EGFLAM: variants seen among roughly 807,000 people sequenced by gnomAD.
EGFLAM encodes pikachurin.
A neutral mutation model predicts 113.1 loss-of-function variants in EGFLAM; 79 were observed. That is an observed-to-expected ratio of 0.70 (90% CI 0.58 to 0.84). The LOEUF (loss-of-function observed/expected upper bound fraction) is 0.84, where lower values mean the gene tolerates loss of function less well. Ranked by LOEUF, EGFLAM falls within the 40% of genes least tolerant of loss-of-function variation. The pLI is 0.00. For synonymous variants in EGFLAM, 504 were observed against 487.6 expected (o/e 1.03, Z -0.44); for missense variants, 1,265 against 1,291.6 (o/e 0.98, Z 0.32).
intron 6 of EGFLAM, among the ~76,000 whole-genome samples, chr5:38,384,759 G>C: frequency 6.6e-6 from 1 of 152,008 alleles, no homozygotes; most frequent in Non-Finnish European, 1.5e-5. Context: ...GCTCCCACAG[G>C]CTCTTTGCTT....
chr5:38,439,252 T>G (rs1239224371), intron 17 of EGFLAM, among the ~76,000 whole-genome samples: 1 of 152,190 alleles, frequency 6.6e-6, no homozygotes, highest in Non-Finnish European at 1.5e-5. Context: ...GAGACCCTGC[T>G]GGACTTGCTT....
chr5:38,295,672 C>T (rs1472750034), intron 1 of EGFLAM, among the ~76,000 whole-genome samples: 2 of 152,084 alleles, frequency 1.3e-5, no homozygotes, highest in African/African-American at 4.8e-5. Context: ...TTCCCCTATC[C>T]TCAAAATGTA....
At chr5:38,293,262 A>G (rs555600201) in intron 1 of EGFLAM, among the ~76,000 whole-genome samples, 1 of 152,344 alleles carries the variant, frequency 6.6e-6, no homozygotes, top group South Asian at 2.1e-4. Context: ...TCCAGTTCCT[A>G]TGCCAGTCTC....
chr5:38,457,725 C>T (rs1338902375), intron 19 of EGFLAM, among the ~76,000 whole-genome samples: 1 of 152,170 alleles, frequency 6.6e-6, no homozygotes, highest in Non-Finnish European at 1.5e-5. Flanking sequence ...TAGTATAAAA[C>T]ATTACACATG....
chr5:38,286,691 A>G (rs894893773), intron 1 of EGFLAM, among the ~76,000 whole-genome samples: 13 of 152,310 alleles, frequency 8.5e-5, no homozygotes, highest in Non-Finnish European at 1.9e-4. Context: ...CCTTTTGTAG[A>G]TATATTGCCA....
At chr5:38,422,985 T>C (rs1165594182) in intron 12 of EGFLAM, among the ~76,000 whole-genome samples, 1 of 152,122 alleles carries the variant, frequency 6.6e-6, no homozygotes, top group Non-Finnish European at 1.5e-5. Context: ...CCCACACTGG[T>C]TTGGAAACTC....
intron 6 of EGFLAM, among the ~76,000 whole-genome samples, chr5:38,371,961 GC>G (rs1740234734): frequency 6.6e-6 from 1 of 152,112 alleles, no homozygotes; most frequent in South Asian, 2.1e-4. Context: ...TGGAACTCCT[GC>G]TCCCATTTCG....
intron 6 of EGFLAM, among the ~76,000 whole-genome samples, chr5:38,396,724 A>T (rs955053291): frequency 2.0e-5 from 3 of 152,220 alleles, no homozygotes; most frequent in Admixed American, 6.5e-5. Flanking sequence ...TTATTCTCTA[A>T]ACTTACAGAG....
intron 1 of EGFLAM, among the ~76,000 whole-genome samples, chr5:38,336,531 G>A (rs1198476319): frequency 4.6e-5 from 7 of 151,622 alleles, no homozygotes; most frequent in East Asian, 1.9e-4. Context: ...CCGAGATGGC[G>A]CCTCTGTACT....
At position 38,408,942 on chromosome 5, in the gene EGFLAM, G is replaced by A. The variant is rs145257987; in HGVS notation, c.1249-62G>A. The stretch of plus-strand genomic sequence containing the variant: ...AAGTTTCACATTTGTGTCTTTCCAG[G>A]TGGTGCCTTAAGGAAGGGGAGGTGC... On this transcript the variant is annotated intron_variant, in intron 9 of 21. Coordinates refer to ENST00000322350, the MANE Select transcript of EGFLAM (RefSeq NM_152403.4). 211 of 1,350,528 alleles carry A rather than the reference G, an allele frequency of 1.6e-4. No homozygotes were observed. In the African/African-American group the frequency reaches 2.9e-3, roughly 19 times the overall value. 83.7% of individuals were successfully genotyped at this position (1,350,528 alleles called of 1,614,324 possible).
At chr5:38,459,140 A>G (rs1227485332) in intron 20 of EGFLAM, among the ~76,000 whole-genome samples, 12 of 151,942 alleles carry the variant, frequency 7.9e-5, no homozygotes, top group Admixed American at 7.9e-4. Context: ...TCCCAGGCTC[A>G]GGCAGTCCTC....
intron 5 of EGFLAM, among the ~76,000 whole-genome samples, chr5:38,353,842 A>G (rs1739692768): frequency 6.6e-6 from 1 of 152,234 alleles, no homozygotes; most frequent in Non-Finnish European, 1.5e-5. Flanking sequence ...CAGGCAGTCA[A>G]GACCTACAGT....
At position 38,424,988 on chromosome 5, in the gene EGFLAM, G is replaced by A; in HGVS notation, c.1706G>A (p.Cys569Tyr). 6.2e-7 allele frequency: 1 copy of A among 1,613,978 alleles called. No individual in the cohort carries two copies. The highest frequency in any genetic ancestry group is 8.5e-7 in the Non-Finnish European group (1 of 1,179,942). The change falls in exon 13 of 22, where the codon TGT becomes TAT. Residue 569 changes from cysteine (C) to tyrosine (Y), a missense_variant. Transcript: ENST00000322350. ...TTAGGGGAATGCAGCAGTGGAATCT[G>A]TGATGAGGCCTCGTGCATCCATGGT... ...ADVGECSSGI[C>Y]DEASCIHGGT...
rs1425541649 is a variant in EGFLAM, at chr5:38,277,153, C to A, written c.97+18302C>A. 4.6e-5 allele frequency among the ~76,000 whole-genome samples: 7 copies of A among 152,166 alleles called. No individual in the cohort carries two copies. In the East Asian group the frequency reaches 1.2e-3, roughly 25 times the overall value. ...CCAATATCCCCAGCAAACTTGAATA[C>A]AGAAATATTCAGCAAAAAATTAACA... On this transcript the variant is annotated intron_variant, in intron 1 of 21. Coordinates refer to ENST00000322350, the MANE Select transcript of EGFLAM (RefSeq NM_152403.4).
chr5:38,449,570 T>A (rs1742838294), intron 18 of EGFLAM, among the ~76,000 whole-genome samples: 1 of 151,704 alleles, frequency 6.6e-6, no homozygotes, highest in Non-Finnish European at 1.5e-5. Flanking sequence ...GACCACTAGG[T>A]GGTTTGGGGG....
chr5:38,340,111 T>G (rs1389892856), intron 3 of EGFLAM, among the ~76,000 whole-genome samples: 1 of 152,156 alleles, frequency 6.6e-6, no homozygotes, highest in African/African-American at 2.4e-5. Flanking sequence ...CCTCTGAAAT[T>G]GATATCCTGC....
chr5:38,441,114 CA>C (rs1430150529), intron 17 of EGFLAM, among the ~76,000 whole-genome samples: 1 of 152,144 alleles, frequency 6.6e-6, no homozygotes, highest in African/African-American at 2.4e-5. Flanking sequence ...CCAAGGGGTG[CA>C]CTGAGCTCCC....
At chr5:38,341,364 T>C (rs1896663) in intron 3 of EGFLAM, among the ~76,000 whole-genome samples, 119,797 of 152,074 alleles carry the variant, frequency 0.79, 47,518 homozygotes, top group African/African-American at 0.85. Context: ...GAGTGCTGAG[T>C]GAAGGGGGAA....
intron 15 of EGFLAM, among the ~76,000 whole-genome samples, chr5:38,433,195 G>C (rs968058935): frequency 3.3e-5 from 5 of 152,216 alleles, no homozygotes; most frequent in African/African-American, 1.2e-4. Flanking sequence ...TAGGGCAGGG[G>C]TTAGAGTACA....
Sources: gnomAD v4.1 joint callset for allele counts (sites outside exome capture counted in the v4.1 genomes callset) on GRCh38, gnomAD v4.1.1 for gene constraint, MANE v1.5 for transcripts, NCBI Gene and HGNC (gene_info 2026-07-23, HGNC 2026-07-21) for gene names.